Variants in PCDHGA7 observed in about 807,000 individuals in gnomAD.
PCDHGA7 encodes protocadherin gamma subfamily A, 7.
PCDHGA7 carries 44 observed loss-of-function variants against 58.3 expected under a neutral mutation model. The observed-to-expected ratio is 0.75, with a 90% CI of 0.59 to 0.97. The LOEUF is 0.97. PCDHGA7 is among the 50% of genes least tolerant of loss of function. The pLI, the probability that PCDHGA7 is intolerant of heterozygous loss-of-function variation, is 0.00. For synonymous variants in PCDHGA7, 516 were observed against 504.2 expected (o/e 1.02, Z -0.31); for missense variants, 1,266 against 1,188.7 (o/e 1.06, Z -0.96).
intron 1 of PCDHGA7, chr5:141,421,935 A>G: frequency 6.2e-7 from 1 of 1,613,514 alleles, no homozygotes; most frequent in East Asian, 2.2e-5. Context: ...TCCTCGATGT[A>G]AATGATCACA....
rs572892456 is a variant in PCDHGA7, at chr5:141,427,959, C to T, written c.2424+42636C>T. On this transcript the variant is annotated intron_variant, in intron 1 of 3. Coordinates refer to ENST00000518325, the MANE Select transcript of PCDHGA7 (RefSeq NM_018920.4). Reference sequence around the variant, plus strand: ...GGGCGACCTCAATGACAATGTGCCGCGGGTGCTGTACCCCGCGCTGGGGCC... The same window carrying T: ...GGGCGACCTCAATGACAATGTGCCGTGGGTGCTGTACCCCGCGCTGGGGCC... 3.8e-6 allele frequency: 6 copies of T among 1,588,886 alleles called. No individual in the cohort carries two copies. The East Asian group carries it at 1.1e-4, about 30-fold the overall frequency.
At position 141,490,782 on chromosome 5, in the gene PCDHGA7, ACGGATCTTTGCC is replaced by A; in HGVS notation, c.2425-4023_2425-4012del. 6.2e-7 allele frequency: 1 copy of A among 1,614,054 alleles called. No individual in the cohort carries two copies. Among genetic ancestry groups the A allele is most frequent in the Non-Finnish European group, 8.5e-7 (1 of 1,179,952 alleles). ...TTGTGTATGTCAACCCAGAGGATGGACGGATCTTTGCCCAGCGTACCTTTGACTATGAATTGC... is the reference window on the plus strand; with the variant it reads ...TTGTGTATGTCAACCCAGAGGATGGACAGCGTACCTTTGACTATGAATTGC... On this transcript the variant is annotated intron_variant, in intron 1 of 3. Transcript: ENST00000518325. This position sits in a 1 kb window ranked among gnomAD's most constrained non-coding sequence, Gnocchi z 5.4.
At chr5:141,498,803 C>T (rs916966107) in intron 2 of PCDHGA7, among the ~76,000 whole-genome samples, 5 of 151,982 alleles carry the variant, frequency 3.3e-5, no homozygotes, top group African/African-American at 1.2e-4. Flanking sequence ...TGTGGTGGTG[C>T]ACACCTGTAG....
chr5:141,395,152 T>C (rs1324313583), intron 1 of PCDHGA7: 1 of 1,614,196 alleles, frequency 6.2e-7, no homozygotes, highest in African/African-American at 1.3e-5. Context: ...GACATGCTCA[T>C]CAGTCAGGAG....
At chr5:141,392,689 C>T in intron 1 of PCDHGA7, 1 of 1,115,570 alleles carries the variant, frequency 9.0e-7, no homozygotes, top group Non-Finnish European at 1.2e-6. Context: ...CAGCGAAACC[C>T]GACCCCTGTT....
At position 141,409,826 on chromosome 5, in the gene PCDHGA7, C is replaced by T. The variant is rs565116840; in HGVS notation, c.2424+24503C>T. 14 of 1,611,108 alleles carry T rather than the reference C, an allele frequency of 8.7e-6. No homozygotes were observed. The highest frequency in any genetic ancestry group is 1.3e-5 in the African/African-American group (1 of 75,000). On this transcript the variant is annotated intron_variant, in intron 1 of 3. Coordinates refer to ENST00000518325, the MANE Select transcript of PCDHGA7 (RefSeq NM_018920.4). ...GGCCCGCGACCACGGCTCGCCCACG[C>T]TCAGCGCCAACGTGAGCCTGCGCGT...
intron 1 of PCDHGA7, among the ~76,000 whole-genome samples, chr5:141,469,852 C>T (rs529924249): frequency 1.3e-4 from 20 of 152,054 alleles, no homozygotes; most frequent in African/African-American, 4.8e-4. Flanking sequence ...AGATTCAGAC[C>T]GGGTGCAATG....
chr5:141,409,659 A>C, intron 1 of PCDHGA7: 1 of 1,613,574 alleles, frequency 6.2e-7, no homozygotes, highest in Non-Finnish European at 8.5e-7. Flanking sequence ...CTCAATGGCC[A>C]CATCTCCTAC....
intron 1 of PCDHGA7, chr5:141,393,940 C>T: frequency 3.7e-6 from 6 of 1,613,928 alleles, no homozygotes; most frequent in Non-Finnish European, 5.1e-6. Flanking sequence ...GACCAAGACT[C>T]TGGAAAGAAT....
intron 1 of PCDHGA7, chr5:141,412,735 T>A (rs2095573578): frequency 6.5e-6 from 1 of 153,492 alleles, no homozygotes; most frequent in African/African-American, 2.4e-5. Context: ...GTGTTGCAAA[T>A]ATATATTTAA....
At chr5:141,395,550 G>T (rs1402921293) in intron 1 of PCDHGA7, 4 of 47,806 alleles carry the variant, frequency 8.4e-5, no homozygotes, top group South Asian at 8.8e-4. Flanking sequence ...GTTTGTGTGT[G>T]TGTGTGTGTG....
At chr5:141,468,841 G>C (rs1189145481) in intron 1 of PCDHGA7, among the ~76,000 whole-genome samples, 3 of 152,014 alleles carry the variant, frequency 2.0e-5, no homozygotes, top group Non-Finnish European at 4.4e-5. Flanking sequence ...ACTCCAGCCT[G>C]GGCAACAGAG....
chr5:141,410,246 TCTGACCCCCAGG>T (rs2095371499), intron 1 of PCDHGA7: 2 of 1,614,004 alleles, frequency 1.2e-6, no homozygotes, highest in Admixed American at 3.3e-5. Flanking sequence ...CCCTGTACTC[TCTGACCCCCAGG>T]CTGAACTGCA....
At chr5:141,481,327 T>C (rs2099535776) in intron 1 of PCDHGA7, among the ~76,000 whole-genome samples, 1 of 152,244 alleles carries the variant, frequency 6.6e-6, no homozygotes, top group Non-Finnish European at 1.5e-5. Context: ...CACTAGCCCC[T>C]GGACAACTAT....
chr5:141,419,350 G>A, intron 1 of PCDHGA7: 1 of 1,613,848 alleles, frequency 6.2e-7, no homozygotes, highest in Non-Finnish European at 8.5e-7. Context: ...GCGACCTGGA[G>A]TCACGAACGC....
chr5:141,477,566 C>T lies in PCDHGA7; in HGVS notation c.2425-17241C>T, dbSNP rs749100730. On this transcript the variant is annotated intron_variant, in intron 1 of 3. Coordinates refer to ENST00000518325, the MANE Select transcript of PCDHGA7 (RefSeq NM_018920.4). The surrounding 1 kb of genome is among the most constrained non-coding windows in gnomAD (Gnocchi z 4.9). ...AATACTAAACCTAAGTGTCTGGGAC[C>T]CCGACGCCCCGCAGAATGCTCGGCT... The T allele has an allele frequency of 1.9e-6, 3 of 1,613,988 alleles. No homozygotes were observed. The highest frequency in any genetic ancestry group is 8.5e-7 in the Non-Finnish European group (1 of 1,180,032).
chr5:141,508,935 A>T (rs180987868), intron 3 of PCDHGA7, among the ~76,000 whole-genome samples: 2 of 152,118 alleles, frequency 1.3e-5, no homozygotes, highest in Non-Finnish European at 2.9e-5. Context: ...GGAGTTAATT[A>T]GGGAAAACAG....
chr5:141,387,491 A>C (rs1049616816), intron 1 of PCDHGA7, among the ~76,000 whole-genome samples: 1 of 152,240 alleles, frequency 6.6e-6, no homozygotes, highest in African/African-American at 2.4e-5. Flanking sequence ...GGCATTCCTA[A>C]GAGTACATTT....
At position 141,432,880 on chromosome 5, in the gene PCDHGA7, C is replaced by A. The variant is rs865848752; in HGVS notation, c.2424+47557C>A. 3 of 1,614,194 alleles carry A rather than the reference C, an allele frequency of 1.9e-6. No homozygotes were observed. The highest frequency in any genetic ancestry group is 2.5e-6 in the Non-Finnish European group (3 of 1,180,008). ...CGGTCTCCTGCGTCTTCCTGGCCTT[C>A]GTCATCTTGCTGCTGGCGCTCAGGC... On this transcript the variant is annotated intron_variant, in intron 1 of 3. Coordinates refer to ENST00000518325, the MANE Select transcript of PCDHGA7 (RefSeq NM_018920.4). The surrounding 1 kb of genome is among the most constrained non-coding windows in gnomAD (Gnocchi z 6.0).
Sources: gnomAD v4.1 joint callset for allele counts (sites outside exome capture counted in the v4.1 genomes callset) on GRCh38, gnomAD v4.1.1 for gene constraint, Gnocchi (gnomAD v3.1) non-coding constraint, MANE v1.5 for transcripts, NCBI Gene and HGNC (gene_info 2026-07-23, HGNC 2026-07-21) for gene names.